TOP2B: variants seen among roughly 807,000 people sequenced by gnomAD.
TOP2B encodes the protein DNA topoisomerase II beta.
In TOP2B, 51 loss-of-function variants were observed where a neutral mutation model predicts 193.5. That is an observed-to-expected ratio of 0.26 (90% CI 0.21 to 0.33). The LOEUF is 0.33. Ranked by LOEUF, TOP2B falls within the 10% of genes least tolerant of loss-of-function variation. TOP2B has a pLI of 1.00. For missense variants in TOP2B, 1,378 were observed against 1,909.3 expected (o/e 0.72, Z 5.19); for synonymous variants, 634 against 635.7 (o/e 1.00, Z 0.04).
In TOP2B at chr3:25,652,985, TAA is replaced by T. The variant is rs1703636012; in HGVS notation, c.70-7517_70-7516del. On this transcript the variant is annotated intron_variant, in intron 1 of 35. Transcript: ENST00000264331. Reference sequence around the variant, plus strand: ...GACATTATAATTGATGTCACAGAAATAAAGATTATAAAAGACTTACATGACCA... The same window carrying T: ...GACATTATAATTGATGTCACAGAAATAGATTATAAAAGACTTACATGACCA... Among the ~76,000 whole-genome samples the T allele has an allele frequency of 4.6e-5, 7 of 152,002 alleles. No individual in the cohort carries two copies. In the South Asian group the frequency reaches 1.5e-3, roughly 32 times the overall value.
At position 25,619,950 on chromosome 3, in the gene TOP2B, T is replaced by C; in HGVS notation, c.2975A>G (p.Lys992Arg). 1 of 1,613,330 alleles carries C rather than the reference T, an allele frequency of 6.2e-7. No homozygotes were observed. Among genetic ancestry groups the C allele is most frequent in the Non-Finnish European group, 8.5e-7 (1 of 1,179,680 alleles). The change falls in exon 23 of 36, where the codon AAA becomes AGA. Residue 992 changes from lysine (K) to arginine (R), a missense_variant. Transcript: ENST00000264331. ...HTDTTVKFVV[K>R]MTEEKLAQAE... ...TTGTGCTAGTTTCTCTTCAGTCATT[T>C]TCACCACAAATTTCACAGTTGTGTC...
chr3:25,625,267 T>TCTCACTAATCTGTATATTCTTCTCAA (rs1702765021), intron 18 of TOP2B, among the ~76,000 whole-genome samples: 1 of 152,228 alleles, frequency 6.6e-6, no homozygotes, highest in Non-Finnish European at 1.5e-5. Context: ...GGCTTTAGAA[T>TCTCACTAATCTGTATATTCTTCTCAA]CTCACTAATC....
At position 25,642,457 on chromosome 3, in the gene TOP2B, G is replaced by C. The variant is rs541836144; in HGVS notation, c.332-72C>G. On this transcript the variant is annotated intron_variant, in intron 3 of 35. Transcript: ENST00000264331. Reference sequence around the variant, plus strand: ...TAAATACATGGACACAACTGTATGTGCATCACTGCTTAATATAAACATCTA... The same window carrying C: ...TAAATACATGGACACAACTGTATGTCCATCACTGCTTAATATAAACATCTA... 7.2e-5 allele frequency: 62 copies of C among 860,024 alleles called. No homozygotes were observed. In the African/African-American group the frequency reaches 1.0e-3, roughly 14 times the overall value. 53.3% of individuals were successfully genotyped at this position (860,024 alleles called of 1,614,324 possible).
intron 1 of TOP2B, among the ~76,000 whole-genome samples, chr3:25,655,277 A>G (rs1703710613): frequency 6.6e-6 from 1 of 152,226 alleles, no homozygotes; most frequent in Non-Finnish European, 1.5e-5. Flanking sequence ...GGTCAACAGC[A>G]TATGAAAAGA....
chr3:25,648,311 C>T (rs1012092317), intron 1 of TOP2B, among the ~76,000 whole-genome samples: 1 of 152,124 alleles, frequency 6.6e-6, no homozygotes, highest in Non-Finnish European at 1.5e-5. Context: ...CAAAGACACA[C>T]CAGAGGGAGC....
intron 13 of TOP2B, among the ~76,000 whole-genome samples, chr3:25,629,661 C>T (rs759260736): frequency 2.0e-5 from 3 of 152,118 alleles, no homozygotes; most frequent in Admixed American, 6.6e-5. Context: ...AGTTCTTTCT[C>T]GATTACCATC....
intron 3 of TOP2B, 104 bp from the exon 4 acceptor site, chr3:25,642,489 G>T (rs903934889): frequency 3.7e-6 from 2 of 542,822 alleles, no homozygotes; most frequent in Non-Finnish European, 3.1e-6. Flanking sequence ...TCTACATATG[G>T]TAATAGTTAA....
chr3:25,602,241 C>CA (rs1212613912), intron 33 of TOP2B, among the ~76,000 whole-genome samples: 2 of 151,416 alleles, frequency 1.3e-5, no homozygotes, highest in Admixed American at 6.6e-5. Flanking sequence ...ACTAAAAATA[C>CA]AAAAAATTAG....
At chr3:25,647,554 C>T (rs1703443114) in intron 1 of TOP2B, among the ~76,000 whole-genome samples, 2 of 151,852 alleles carry the variant, frequency 1.3e-5, no homozygotes, top group South Asian at 2.1e-4. Context: ...TTAGACTCAA[C>T]CAGAGGCTCA....
chr3:25,612,759 G>C, intron 27 of TOP2B, 50 bp from the exon 28 acceptor site: 1 of 1,382,162 alleles, frequency 7.2e-7, no homozygotes, highest in Non-Finnish European at 1.0e-6. Flanking sequence ...TCTTAGAAAA[G>C]ATAATCACTA....
rs755161035 is a variant in TOP2B at position 25,634,045 on chromosome 3, A to G, written c.853-31T>C. ...AATTTAAAAAACAAAAACAATTAAA[A>G]ATCTTACACTGGCAGCTCAAATAGG... is the stretch of plus-strand genomic sequence containing the variant. On this transcript the variant is annotated intron_variant, in intron 7 of 35. Coordinates refer to ENST00000264331, the MANE Select transcript of TOP2B (RefSeq NM_001330700.2). The G allele has an allele frequency of 3.3e-6, 5 of 1,537,704 alleles. No homozygotes were observed. In the South Asian group the frequency reaches 5.9e-5, roughly 18 times the overall value.
chr3:25,664,131 G>T, intron 1 of TOP2B, 98 bp downstream of exon 1: 4 of 1,503,722 alleles, frequency 2.7e-6, no homozygotes. Flanking sequence ...CGGGGGACGG[G>T]ATTTCCCTCC....
chr3:25,609,994 G>T (rs1229531091), intron 28 of TOP2B, among the ~76,000 whole-genome samples: 1 of 151,934 alleles, frequency 6.6e-6, no homozygotes, highest in Non-Finnish European at 1.5e-5. Flanking sequence ...TTATCAGAGG[G>T]ATTTCCAGAC....
chr3:25,622,443 T>C (rs1422703676), intron 21 of TOP2B, among the ~76,000 whole-genome samples: 1 of 152,130 alleles, frequency 6.6e-6, no homozygotes, highest in Non-Finnish European at 1.5e-5. Flanking sequence ...ATTGTCTCTA[T>C]ATTGTGGGTT....
chr3:25,625,484 A>C (rs1702770728), intron 18 of TOP2B, among the ~76,000 whole-genome samples: 1 of 152,148 alleles, frequency 6.6e-6, no homozygotes, highest in African/African-American at 2.4e-5. Flanking sequence ...CGTGGGCTGC[A>C]TGTGGCCCAA....
Position 25,599,462 on chromosome 3 carries a change from G to A in TOP2B, c.4683C>T (p.Gly1561=). The A allele has an allele frequency of 6.2e-7, 1 of 1,613,510 alleles. No individual in the cohort carries two copies. Among genetic ancestry groups the A allele is most frequent in the Non-Finnish European group, 8.5e-7 (1 of 1,179,640 alleles). ...GSENEGDYNP[G]RKTSKTTSKK... is the part of the protein sequence containing the mutation. The stretch of plus-strand genomic sequence containing the variant: ...TGCTTGTTGTTTTGGATGTTTTCCT[G>A]CCAGGGTTATAATCGCCTTCATTTT... The change falls in exon 35 of 36, where the codon GGC becomes GGT. Residue 1561 remains glycine, a synonymous_variant. Transcript: ENST00000264331.
At position 25,617,702 on chromosome 3, in the gene TOP2B, A is replaced by G. The variant is rs114379311; in HGVS notation, c.3351+716T>C. Among the ~76,000 whole-genome samples the G allele has an allele frequency of 3.2e-3, 484 of 152,318 alleles. 1 individual carries two copies. The highest frequency in any genetic ancestry group is 0.011 in the African/African-American group (442 of 41,576). ...CATTCAACTTTTCTTCCTCTTCTGT[A>G]ATAAATTTCTGTTCTCAATCACAAT... is the stretch of plus-strand genomic sequence containing the variant. On this transcript the variant is annotated intron_variant, in intron 25 of 35. Transcript: ENST00000264331.
chr3:25,664,460 C>G lies in TOP2B; in HGVS notation c.-163G>C. 1 of 1,234,990 alleles carries G rather than the reference C, an allele frequency of 8.1e-7. No homozygotes were observed. Among genetic ancestry groups the G allele is most frequent in the Non-Finnish European group, 1.0e-6 (1 of 991,048 alleles). 76.5% of individuals were successfully genotyped at this position (1,234,990 alleles called of 1,614,324 possible). A position where few individuals can be genotyped will look rare whatever the true frequency, so the allele number is the denominator to read the frequency against. On this transcript the variant is annotated 5_prime_UTR_variant, in exon 1 of 36. Transcript: ENST00000264331. ...CGAAGATCCGGAGCGGACGTCCAGC[C>G]GAGCCCGCTGAGGAGGCCGCGCCGC...
At chr3:25,640,752 CTTTTT>C (rs372465937) in intron 4 of TOP2B, among the ~76,000 whole-genome samples, 6 of 106,992 alleles carry the variant, frequency 5.6e-5, no homozygotes, top group Non-Finnish European at 9.6e-5. Context: ...TCTTCGTTGT[CTTTTT>C]TTTTTTTTTT....
Sources: allele counts gnomAD v4.1 joint callset (sites outside exome capture counted in the v4.1 genomes callset), GRCh38; gene constraint gnomAD v4.1.1; transcripts MANE v1.5; gene names NCBI Gene and HGNC (gene_info 2026-07-23, HGNC 2026-07-21).